The following PDE1A variants were observed in gnomAD, a reference collection of about 807,000 sequenced individuals.
PDE1A encodes the protein dual specificity calcium/calmodulin-dependent 3',5'-cyclic nucleotide phosphodiesterase 1A.
In PDE1A, 35 loss-of-function variants were observed where a neutral mutation model predicts 61.7. The observed-to-expected ratio is 0.57, with a 90% CI of 0.43 to 0.75. PDE1A has a LOEUF of 0.75. PDE1A is among the 30% of genes least tolerant of loss of function. PDE1A has a pLI of 0.00. For missense variants in PDE1A, 597 were observed against 630.6 expected (o/e 0.95, Z 0.57); for synonymous variants, 232 against 213.2 (o/e 1.09, Z -0.77).
At chr2:182,226,756 G>T (rs1358403362) in intron 6 of PDE1A, among the ~76,000 whole-genome samples, 2 of 149,724 alleles carry the variant, frequency 1.3e-5, no homozygotes, top group African/African-American at 5.1e-5. Flanking sequence ...TAAATCATGA[G>T]CAATGCAACA....
chr2:182,691,200 A>G, the PDE1A span, among the ~76,000 whole-genome samples: 1 of 152,210 alleles, frequency 6.6e-6, no homozygotes, highest in East Asian at 1.9e-4. Flanking sequence ...ATATGGGACC[A>G]AAAAAGAGCC....
chr2:182,284,611 T>C (rs1694036447), intron 1 of PDE1A, among the ~76,000 whole-genome samples: 1 of 152,066 alleles, frequency 6.6e-6, no homozygotes, highest in African/African-American at 2.4e-5. Flanking sequence ...TTGGCTAAAA[T>C]GATTCAGAAG....
chr2:182,507,770 G>A (rs1326218792), intron 2 of PDE1A, among the ~76,000 whole-genome samples: 2 of 151,900 alleles, frequency 1.3e-5, no homozygotes, highest in African/African-American at 4.8e-5. Flanking sequence ...ATGAAGTATT[G>A]AACAGCCACA....
chr2:182,607,454 G>C, the PDE1A span, among the ~76,000 whole-genome samples: 2 of 152,114 alleles, frequency 1.3e-5, no homozygotes, highest in Non-Finnish European at 2.9e-5. Context: ...CAGCATAGTG[G>C]GGGATTGGTT....
intron 1 of PDE1A, among the ~76,000 whole-genome samples, chr2:182,291,885 T>G (rs796373936): frequency 6.6e-5 from 10 of 152,268 alleles, no homozygotes; most frequent in African/African-American, 1.9e-4. Flanking sequence ...AATATTTGTA[T>G]GCAATTTGGA....
At chr2:182,503,581 G>A (rs1689223055) in intron 2 of PDE1A, among the ~76,000 whole-genome samples, 1 of 152,028 alleles carries the variant, frequency 6.6e-6, no homozygotes, top group South Asian at 2.1e-4. Flanking sequence ...TGGGGTGTGT[G>A]CCCTTGCTTC....
Position 182,495,808 on chromosome 2 carries a change from C to T in PDE1A, c.101+26468G>A, listed in dbSNP as rs368271730. Among the ~76,000 whole-genome samples the T allele has an allele frequency of 2.1e-4, 32 of 152,230 alleles. 1 individual carries two copies. Among genetic ancestry groups the T allele is most frequent in the African/African-American group, 7.5e-4 (31 of 41,528 alleles). The stretch of plus-strand genomic sequence containing the variant: ...CATTAAGATTCATCTGAAATCTCCT[C>T]GAGAGACAGACTGATATAAAAGAAA... On this transcript the variant is annotated intron_variant, in intron 2 of 14. Coordinates refer to the PDE1A transcript ENST00000410103.
intron 5 of PDE1A, 70 bp downstream of exon 5, chr2:182,230,945 G>T: frequency 1.3e-6 from 1 of 769,840 alleles, no homozygotes; most frequent in Non-Finnish European, 2.2e-6. Flanking sequence ...TTACTCAAAT[G>T]TTCTGCATTT....
At chr2:182,563,806 G>T in the PDE1A span, among the ~76,000 whole-genome samples, 43 of 152,160 alleles carry the variant, frequency 2.8e-4, no homozygotes, top group African/African-American at 5.3e-4. Flanking sequence ...TTTACCATTA[G>T]GTAATGCCCT....
the PDE1A span, among the ~76,000 whole-genome samples, chr2:182,626,717 TTATATATATATATATATATACATA>T: frequency 3.4e-5 from 1 of 29,116 alleles, no homozygotes; most frequent in African/African-American, 9.0e-5. Context: ...ACAAATGGCT[TTATATATATATATATATATACATA>T]TATATACATA....
intron 13 of PDE1A, among the ~76,000 whole-genome samples, chr2:182,150,462 G>A (rs1690718283): frequency 6.6e-6 from 1 of 152,156 alleles, no homozygotes; most frequent in South Asian, 2.1e-4. Context: ...GATTTGCAAT[G>A]TCATATATAT....
the PDE1A span, among the ~76,000 whole-genome samples, chr2:182,550,596 G>A: frequency 6.6e-6 from 1 of 152,198 alleles, no homozygotes; most frequent in Non-Finnish European, 1.5e-5. Flanking sequence ...CGACGCTCCA[G>A]TCACACTTCT....
downstream of PDE1A, among the ~76,000 whole-genome samples, chr2:182,163,197 T>C (rs1691480872): frequency 6.6e-6 from 1 of 152,166 alleles, no homozygotes; most frequent in Non-Finnish European, 1.5e-5. Context: ...CTACACCCAA[T>C]GTAGTTTCAT....
At chr2:182,436,450 A>G (rs905034898) in intron 2 of PDE1A, among the ~76,000 whole-genome samples, 1 of 152,112 alleles carries the variant, frequency 6.6e-6, no homozygotes, top group East Asian at 1.9e-4. Flanking sequence ...CATACTGGAC[A>G]TATTATTTAT....
At chr2:182,515,981 TG>T (rs1690117301) in intron 2 of PDE1A, among the ~76,000 whole-genome samples, 1 of 147,364 alleles carries the variant, frequency 6.8e-6, no homozygotes, top group Non-Finnish European at 1.5e-5. Flanking sequence ...TGTGTGTGTG[TG>T]TGTGTGTGTG....
the PDE1A span, among the ~76,000 whole-genome samples, chr2:182,571,555 T>C: frequency 6.6e-6 from 1 of 152,008 alleles, no homozygotes; most frequent in African/African-American, 2.4e-5. Context: ...TAAAAATTGG[T>C]AAAATACAAG....
chr2:182,587,039 A>C, the PDE1A span, among the ~76,000 whole-genome samples: 1 of 152,208 alleles, frequency 6.6e-6, no homozygotes, highest in Non-Finnish European at 1.5e-5. Flanking sequence ...AAGGCACTTA[A>C]GCACATACAA....
At chr2:182,667,772 A>G in the PDE1A span, among the ~76,000 whole-genome samples, 97,649 of 152,130 alleles carry the variant, frequency 0.64, 31,848 homozygotes, top group Middle Eastern at 0.78. Flanking sequence ...AAGACAGAAC[A>G]ATGTCAATGT....
chr2:182,491,622 T>C (rs867081989), intron 2 of PDE1A, among the ~76,000 whole-genome samples: 2 of 152,206 alleles, frequency 1.3e-5, no homozygotes, highest in South Asian at 4.1e-4. Context: ...GGGAAAGCTG[T>C]TTCCTAGTGT....
Sources: gnomAD v4.1 joint callset for allele counts (sites outside exome capture counted in the v4.1 genomes callset) on GRCh38, gnomAD v4.1.1 for gene constraint, MANE v1.5 for transcripts, NCBI Gene and HGNC (gene_info 2026-07-23, HGNC 2026-07-21) for gene names.